The following DNER variants were observed in gnomAD, a reference collection of about 807,000 sequenced individuals.
DNER encodes delta/notch like EGF repeat containing, also known as delta and Notch-like epidermal growth factor-related receptor.
Under a neutral mutation model 78.2 loss-of-function variants are expected in DNER, and 33 were observed. The ratio of observed to expected loss-of-function variants is 0.42; its 90% CI spans 0.32 to 0.56. DNER has a LOEUF of 0.56. Ranked by LOEUF, DNER falls within the 20% of genes least tolerant of loss-of-function variation. DNER has a pLI of 0.11. For synonymous variants in DNER, 417 were observed against 384.8 expected (o/e 1.08, Z -0.98); for missense variants, 918 against 975.3 (o/e 0.94, Z 0.78).
intron 1 of DNER, among the ~76,000 whole-genome samples, chr2:229,604,513 A>AG (rs1380343410): frequency 6.6e-6 from 1 of 152,192 alleles, no homozygotes; most frequent in Admixed American, 6.5e-5. Context: ...CTGTGAAACC[A>AG]GGTGCAAGAG....
At chr2:229,401,377 C>G (rs1693263212) in intron 10 of DNER, among the ~76,000 whole-genome samples, 1 of 152,038 alleles carries the variant, frequency 6.6e-6, no homozygotes, top group Non-Finnish European at 1.5e-5. Flanking sequence ...CTATATATGA[C>G]AGTTTACACC....
intron 1 of DNER, among the ~76,000 whole-genome samples, chr2:229,645,781 G>A (rs79944307): frequency 0.017 from 2,591 of 152,294 alleles, 68 homozygotes; most frequent in African/African-American, 0.059. Flanking sequence ...CAAGTCCTGT[G>A]CAAGGCACTG....
intron 1 of DNER, among the ~76,000 whole-genome samples, chr2:229,698,402 G>A (rs1323595): frequency 0.13 from 19,790 of 152,078 alleles, 1,375 homozygotes; most frequent in Admixed American, 0.17. Flanking sequence ...ATACTACCGG[G>A]AAAGATCTAT....
intron 12 of DNER, among the ~76,000 whole-genome samples, chr2:229,366,631 A>C (rs2106326233): frequency 6.6e-6 from 1 of 152,360 alleles, no homozygotes; most frequent in Middle Eastern, 3.4e-3. Context: ...AGAGCAACCC[A>C]AATTAGATGA....
intron 1 of DNER, among the ~76,000 whole-genome samples, chr2:229,629,237 C>G (rs1698395403): frequency 6.6e-6 from 1 of 152,172 alleles, no homozygotes; most frequent in Admixed American, 6.5e-5. Flanking sequence ...AGTCAGCACT[C>G]AATAAATGTT....
chr2:229,587,833 A>T lies in DNER; in HGVS notation c.680+561T>A, dbSNP rs543190351. 2.0e-5 allele frequency among the ~76,000 whole-genome samples: 3 copies of T among 152,296 alleles called. No homozygotes were observed. In the East Asian group the frequency reaches 5.8e-4, roughly 29 times the overall value. On this transcript the variant is annotated intron_variant, in intron 3 of 12. Transcript: ENST00000341772. ...CCACACATATCAGGTCTCAACCAGC[A>T]CTGCTTCCCTATGCCTCTCCCTCTT...
chr2:229,476,328 C>A (rs57533953), intron 7 of DNER, among the ~76,000 whole-genome samples: 3,254 of 152,162 alleles, frequency 0.021, 125 homozygotes, highest in African/African-American at 0.075. Flanking sequence ...TGGCCTCTTA[C>A]CAACACCCTC....
intron 9 of DNER, among the ~76,000 whole-genome samples, chr2:229,409,066 C>T (rs910667386): frequency 1.3e-5 from 2 of 152,152 alleles, no homozygotes; most frequent in African/African-American, 4.8e-5. Flanking sequence ...TGCATGGTAA[C>T]ATAAAAGATC....
At chr2:229,428,205 G>T (rs10206153) in intron 8 of DNER, among the ~76,000 whole-genome samples, 35,411 of 151,546 alleles carry the variant, frequency 0.23, 4,353 homozygotes, top group East Asian at 0.43. Context: ...GATTGCTCCA[G>T]CTACCCTTTG....
intron 6 of DNER, among the ~76,000 whole-genome samples, chr2:229,512,205 A>G (rs1695876697): frequency 6.6e-6 from 1 of 152,140 alleles, no homozygotes; most frequent in African/African-American, 2.4e-5. Flanking sequence ...CAACATGATG[A>G]AACCCCATCT....
At chr2:229,438,931 T>C (rs968345343) in intron 8 of DNER, among the ~76,000 whole-genome samples, 2 of 152,214 alleles carry the variant, frequency 1.3e-5, no homozygotes, top group Non-Finnish European at 2.9e-5. Flanking sequence ...TTGACCCCAT[T>C]TGCTATTTAC....
At chr2:229,394,658 T>C (rs1177482779) in intron 10 of DNER, among the ~76,000 whole-genome samples, 2 of 152,152 alleles carry the variant, frequency 1.3e-5, no homozygotes, top group Non-Finnish European at 2.9e-5. Flanking sequence ...GACTTTTAAG[T>C]GGGAGCCATC....
At chr2:229,400,261 T>C (rs1488869322) in intron 10 of DNER, among the ~76,000 whole-genome samples, 2 of 152,014 alleles carry the variant, frequency 1.3e-5, no homozygotes, top group Admixed American at 6.6e-5. Context: ...TAGACAAAGA[T>C]AACTACATCA....
chr2:229,560,189 G>A (rs115764245), intron 4 of DNER, among the ~76,000 whole-genome samples: 2,211 of 152,220 alleles, frequency 0.015, 53 homozygotes, highest in African/African-American at 0.05. Flanking sequence ...ACACCTCATT[G>A]GGATTAATAG....
At chr2:229,406,795 C>T (rs571746965) in intron 10 of DNER, among the ~76,000 whole-genome samples, 100 of 149,554 alleles carry the variant, frequency 6.7e-4, no homozygotes, top group African/African-American at 2.3e-3. Flanking sequence ...CCGCCAATCT[C>T]GCCTCCCATC....
intron 10 of DNER, among the ~76,000 whole-genome samples, chr2:229,395,406 C>G (rs1031495180): frequency 1.3e-5 from 2 of 152,170 alleles, no homozygotes; most frequent in Non-Finnish European, 2.9e-5. Context: ...CGTTGAGTTG[C>G]CCATCAGCCT....
chr2:229,407,158 T>C (rs1693405555), intron 10 of DNER, 74 bp downstream of exon 10: 11 of 1,297,956 alleles, frequency 8.5e-6, no homozygotes, highest in South Asian at 1.3e-5. Context: ...CATGATGGAT[T>C]TGGGTTTTTT....
chr2:229,624,087 T>G (rs1698297650), intron 1 of DNER, among the ~76,000 whole-genome samples: 1 of 152,160 alleles, frequency 6.6e-6, no homozygotes. Context: ...AGACAGTGTT[T>G]ATAAAAGTCT....
intron 6 of DNER, among the ~76,000 whole-genome samples, chr2:229,503,261 G>A (rs765814264): frequency 4.6e-5 from 7 of 152,114 alleles, no homozygotes; most frequent in Admixed American, 3.9e-4. Flanking sequence ...GGTAAAAATG[G>A]TTCACTAGTT....
Sources: allele counts gnomAD v4.1 joint callset (sites outside exome capture counted in the v4.1 genomes callset), GRCh38; gene constraint gnomAD v4.1.1; transcripts MANE v1.5; gene names NCBI Gene and HGNC (gene_info 2026-07-23, HGNC 2026-07-21).